Variants in SCML1 observed in about 807,000 individuals in gnomAD.
The protein encoded by SCML1 is Scm polycomb group protein like 1.
For synonymous variants in SCML1, 104 were observed against 103.6 expected (o/e 1.00, Z -0.02); for missense variants, 137 against 258.1 (o/e 0.53, Z 3.22).
rs368933453 is a variant in SCML1, at chrX:17,750,343, G to C, written c.703+50G>C. The C allele has an allele frequency of 4.3e-5, 47 of 1,105,093 alleles. No individual in the cohort carries two copies. The Admixed American group carries it at 6.5e-4, about 15-fold the overall frequency. 91.1% of individuals were successfully genotyped at this position (1,105,093 alleles called of 1,213,427 possible). ...ATTTGGTACATGCCCCTGAGATGATGAGTTACTCAGCTTTGATGGAGAATA... is the reference window on the plus strand; with the variant it reads ...ATTTGGTACATGCCCCTGAGATGATCAGTTACTCAGCTTTGATGGAGAATA... On this transcript the variant is annotated intron_variant, in intron 6 of 7. Coordinates refer to ENST00000380041, the MANE Select transcript of SCML1 (RefSeq NM_001037540.3).
chrX:17,743,446 A>G (rs1192919338), intron 1 of SCML1, among the ~76,000 whole-genome samples: 6 of 112,267 alleles, frequency 5.3e-5, no homozygotes, highest in African/African-American at 1.9e-4. Flanking sequence ...TCTTGCAGCC[A>G]GTTTTCTAGT....
At chrX:17,752,595 C>A (rs1428971245) in intron 7 of SCML1, among the ~76,000 whole-genome samples, 1 of 112,040 alleles carries the variant, frequency 8.9e-6, no homozygotes, top group Non-Finnish European at 1.9e-5. Flanking sequence ...TATTTTTTAA[C>A]TGGAACATAT....
intron 4 of SCML1, among the ~76,000 whole-genome samples, 182 bp from the exon 5 acceptor site, chrX:17,749,218 G>A (rs771114438): frequency 2.5e-4 from 28 of 112,163 alleles, no homozygotes; most frequent in Non-Finnish European, 4.5e-4. Flanking sequence ...CAGCCTGTTG[G>A]CTCTGTGTCA....
At chrX:17,742,334 G>A (rs757900210) in intron 1 of SCML1, among the ~76,000 whole-genome samples, 1 of 112,005 alleles carries the variant, frequency 8.9e-6, no homozygotes, top group East Asian at 2.8e-4. Context: ...TAGAAATAGA[G>A]ATGCAAACAA....
chrX:17,749,515 TA>T lies in SCML1; in HGVS notation c.303+17del, dbSNP rs1263004410. ...CTGTGGACAAATCATGTAAGTGTTA[TA>T]AAAAACATTTTTACAACTGTGATAA... On this transcript the variant is annotated intron_variant, in intron 5 of 7. Coordinates refer to ENST00000380041, the MANE Select transcript of SCML1 (RefSeq NM_001037540.3). 17 of 1,065,198 alleles carry T rather than the reference TA, an allele frequency of 1.6e-5. No individual in the cohort carries two copies. Among genetic ancestry groups the T allele is most frequent in the Non-Finnish European group, 2.1e-5 (16 of 775,537 alleles). The allele number at this position is 1,065,198 out of a possible 1,213,427, so 87.8% of individuals were successfully genotyped here.
At chrX:17,749,351 T>C (rs767159735) in intron 4 of SCML1, 49 bp from the exon 5 acceptor site, 1 of 714,414 alleles carries the variant, frequency 1.4e-6, no homozygotes, top group South Asian at 3.3e-5. Context: ...AATAAAAAAT[T>C]ATATTTTACA....
chrX:17,739,828 G>A (rs1342408478), intron 1 of SCML1, among the ~76,000 whole-genome samples: 2 of 80,761 alleles, frequency 2.5e-5, no homozygotes, highest in Non-Finnish European at 4.4e-5. Context: ...CAGCCTGGGT[G>A]ACAGAGTAAG....
At chrX:17,752,081 C>CAT in intron 7 of SCML1, 115 bp downstream of exon 7, 2 of 807,829 alleles carry the variant, frequency 2.5e-6, no homozygotes, top group Non-Finnish European at 3.5e-6. Context: ...CTGATTTTTC[C>CAT]ATATATGAGA....
chrX:17,737,519 T>C lies in SCML1; in HGVS notation c.-278T>C, dbSNP rs1485516450. On this transcript the variant is annotated 5_prime_UTR_variant, in exon 1 of 8. Coordinates refer to ENST00000380041, the MANE Select transcript of SCML1 (RefSeq NM_001037540.3). The stretch of plus-strand genomic sequence containing the variant: ...CTCAGGGGTCAGGGCATCACTGGTC[T>C]CGCGTGCGCGTGACCAGGCCCGGTT... The C allele has an allele frequency of 1.0e-5, 1 of 98,908 alleles. No homozygotes were observed. Among genetic ancestry groups the C allele is most frequent in the Admixed American group, 1.2e-4 (1 of 8,574 alleles). The allele number at this position is 98,908 out of a possible 1,213,427, so 8.2% of individuals were successfully genotyped here.
rs1385532439 is a variant in SCML1 at position 17,754,161 on chromosome X, T to A, written c.*769T>A. ...TTTGGACCTATAACTACACTTTCAT[T>A]GTTTGCATCTCTCTATGAAGATACG... is the stretch of plus-strand genomic sequence containing the variant. On this transcript the variant is annotated 3_prime_UTR_variant, in exon 8 of 8. Coordinates refer to ENST00000380041, the MANE Select transcript of SCML1 (RefSeq NM_001037540.3). The A allele has an allele frequency of 2.7e-5, 3 of 111,947 alleles. No homozygotes were observed. The highest frequency in any genetic ancestry group is 5.6e-5 in the Non-Finnish European group (3 of 53,163). 9.2% of individuals were successfully genotyped at this position (111,947 alleles called of 1,213,427 possible). A position where few individuals can be genotyped will look rare whatever the true frequency, so the allele number is the denominator to read the frequency against.
At position 17,751,882 on chromosome X, in the gene SCML1, C is replaced by G; in HGVS notation, c.771C>G (p.Thr257=). 1 of 1,210,964 alleles carries G rather than the reference C, an allele frequency of 8.3e-7. No homozygotes were observed. The highest frequency in any genetic ancestry group is 1.8e-5 in the South Asian group (1 of 56,974). ...EEGSITKHPS[T]WSVEAVVLFL... ...GAAGCATCACTAAGCACCCTTCAAC[C>G]TGGTCGGTGGAAGCAGTGGTCCTAT... The change falls in exon 7 of 8, where the codon ACC becomes ACG. Residue 257 remains threonine, a synonymous_variant. Transcript: ENST00000380041.
At position 17,750,362 on chromosome X, in the gene SCML1, G is replaced by C. The variant is rs1021215456; in HGVS notation, c.703+69G>C. Reference sequence around the variant, plus strand: ...GATGATGAGTTACTCAGCTTTGATGGAGAATAGGTATACTGGATCATCTCT... The same window carrying C: ...GATGATGAGTTACTCAGCTTTGATGCAGAATAGGTATACTGGATCATCTCT... On this transcript the variant is annotated intron_variant, in intron 6 of 7. Transcript: ENST00000380041. The C allele has an allele frequency of 7.6e-5, 78 of 1,031,836 alleles. No individual in the cohort carries two copies. In the Admixed American group the frequency reaches 7.9e-4, roughly 10 times the overall value. The allele number at this position is 1,031,836 out of a possible 1,213,427, so 85.0% of individuals were successfully genotyped here.
At chrX:17,744,940 A>T (rs1430901201) in intron 2 of SCML1, 1 of 111,986 alleles carries the variant, frequency 8.9e-6, no homozygotes. Context: ...ATAGTTCATA[A>T]TTCATTCTTA....
At chrX:17,747,001 G>A (rs2066648422) in intron 4 of SCML1, among the ~76,000 whole-genome samples, 1 of 112,229 alleles carries the variant, frequency 8.9e-6, no homozygotes, top group East Asian at 2.8e-4. Flanking sequence ...AGCCTGCCTT[G>A]TTCTTTCATC....
intron 6 of SCML1, among the ~76,000 whole-genome samples, chrX:17,750,572 A>G (rs1269422726): frequency 1.8e-5 from 2 of 112,586 alleles, no homozygotes; most frequent in African/African-American, 6.5e-5. Context: ...TGTGCAAGGC[A>G]CTGCACCAAT....
At chrX:17,748,837 G>T (rs780568014) in intron 4 of SCML1, among the ~76,000 whole-genome samples, 4 of 112,010 alleles carry the variant, frequency 3.6e-5, no homozygotes, top group African/African-American at 1.3e-4. Context: ...TTCGATTGGC[G>T]CGTAAGAGAT....
chrX:17,742,712 C>G (rs919791752), intron 1 of SCML1, among the ~76,000 whole-genome samples: 2 of 112,141 alleles, frequency 1.8e-5, no homozygotes, highest in Non-Finnish European at 3.8e-5. Context: ...CTGCAGTGTT[C>G]TTTATAAGAG....
chrX:17,749,553 G>C, intron 5 of SCML1, 49 bp downstream of exon 5: 1 of 797,419 alleles, frequency 1.3e-6, no homozygotes, highest in Non-Finnish European at 1.9e-6. Flanking sequence ...CCTCTGGTTT[G>C]TAAAGATGCC....
intron 1 of SCML1, among the ~76,000 whole-genome samples, chrX:17,739,791 G>A (rs2147159982): frequency 1.0e-5 from 1 of 96,028 alleles, no homozygotes; most frequent in African/African-American, 4.1e-5. Flanking sequence ...AGAGGTTGCA[G>A]TAAGCCGAGA....
Sources: gnomAD v4.1 joint callset for allele counts (sites outside exome capture counted in the v4.1 genomes callset) on GRCh38, gnomAD v4.1.1 for gene constraint, MANE v1.5 for transcripts, NCBI Gene and HGNC (gene_info 2026-07-23, HGNC 2026-07-21) for gene names.